The following PRKN variants were observed in gnomAD, a reference collection of about 807,000 sequenced individuals.
PRKN encodes the protein E3 ubiquitin-protein ligase parkin.
PRKN carries 56 observed loss-of-function variants against 59.5 expected under a neutral mutation model. The ratio of observed to expected loss-of-function variants is 0.94; its 90% CI spans 0.76 to 1.18. The LOEUF (loss-of-function observed/expected upper bound fraction) is 1.18. Among genes scored for constraint, PRKN ranks in the 50% most tolerant of loss-of-function variants. The probability of loss-of-function intolerance (pLI) is 0.00; values close to 1 mark genes in which losing one functional copy is unlikely to be tolerated. For missense variants in PRKN, 657 were observed against 596.4 expected, an observed-to-expected ratio of 1.10 and a Z score of -1.06; for synonymous variants, 250 against 222.1, an observed-to-expected ratio of 1.13 and a Z score of -1.12.
At chr6:162,570,327 G>T (rs948507619) in intron 1 of PRKN, among the ~76,000 whole-genome samples, 15 of 152,148 alleles carry the variant, frequency 9.9e-5, no homozygotes, top group Non-Finnish European at 1.9e-4. Context: ...CAAGGTTGTG[G>T]AGAAAAGGGA....
chr6:162,008,477 C>T (rs1316536330), intron 5 of PRKN, among the ~76,000 whole-genome samples: 1 of 152,134 alleles, frequency 6.6e-6, no homozygotes, highest in Admixed American at 6.6e-5. Context: ...GAGAAGAGAA[C>T]AGTGTATCGA....
intron 1 of PRKN, among the ~76,000 whole-genome samples, chr6:162,457,179 T>G (rs911402933): frequency 6.6e-6 from 1 of 152,148 alleles, no homozygotes; most frequent in Non-Finnish European, 1.5e-5. Context: ...GTTGGTGAAT[T>G]TGCAAATATG....
At chr6:162,187,007 T>C (rs534249336) in intron 4 of PRKN, among the ~76,000 whole-genome samples, 4 of 152,288 alleles carry the variant, frequency 2.6e-5, no homozygotes, top group African/African-American at 7.2e-5. Context: ...CACTTGATAA[T>C]GTTAAAGGCT....
chr6:162,232,657 T>A (rs887423747), intron 3 of PRKN, among the ~76,000 whole-genome samples: 1 of 152,160 alleles, frequency 6.6e-6, no homozygotes, highest in Non-Finnish European at 1.5e-5. Context: ...TTTGTGTGAT[T>A]TTTTCTTCTC....
intron 7 of PRKN, among the ~76,000 whole-genome samples, chr6:161,710,882 TCTC>T (rs199989739): frequency 0.014 from 1,696 of 119,288 alleles, 52 homozygotes; most frequent in African/African-American, 0.05. Context: ...CTTCCTTCCT[TCTC>T]TCCCTCCCTT....
Position 161,369,893 on chromosome 6 carries a change from C to A in PRKN, c.1168-9688G>T. 1 of 354,254 alleles carries A rather than the reference C, an allele frequency of 2.8e-6. No homozygotes were observed. Among genetic ancestry groups the A allele is most frequent in the Non-Finnish European group, 6.3e-6 (1 of 157,988 alleles). 21.9% of individuals were successfully genotyped at this position (354,254 alleles called of 1,614,324 possible). A position where few individuals can be genotyped will look rare whatever the true frequency, so the allele number is the denominator to read the frequency against. On this transcript the variant is annotated intron_variant, in intron 10 of 11. Transcript: ENST00000366898. The surrounding 1 kb of genome is among the most constrained non-coding windows in gnomAD (Gnocchi z 5.8). ...CTCAGAAAGGTAAAGGCATGATCGT[C>A]CATCTGTGGCTCAAGAGGAATAACC...
chr6:162,610,436 T>C (rs905260064), intron 1 of PRKN, among the ~76,000 whole-genome samples: 1 of 152,232 alleles, frequency 6.6e-6, no homozygotes, highest in Non-Finnish European at 1.5e-5. Context: ...AGGTCACTAT[T>C]CCAACATGGA....
chr6:162,631,070 A>G (rs890153198), intron 1 of PRKN, among the ~76,000 whole-genome samples: 2 of 152,278 alleles, frequency 1.3e-5, no homozygotes, highest in South Asian at 2.1e-4. Context: ...ACAACAGGTC[A>G]TAAGACCTCA....
intron 7 of PRKN, among the ~76,000 whole-genome samples, chr6:161,627,749 A>T (rs1783146393): frequency 1.3e-5 from 2 of 152,224 alleles, no homozygotes; most frequent in South Asian, 4.1e-4. Flanking sequence ...AGCCTGTTCT[A>T]TGACTGCTTC....
intron 6 of PRKN, among the ~76,000 whole-genome samples, chr6:161,792,492 C>A (rs944172434): frequency 1.2e-4 from 19 of 152,154 alleles, no homozygotes; most frequent in African/African-American, 4.6e-4. Flanking sequence ...CAGTGGAAAG[C>A]AAAGTTATTA....
At chr6:161,583,773 CA>C (rs1283371077) in intron 7 of PRKN, among the ~76,000 whole-genome samples, 1 of 152,144 alleles carries the variant, frequency 6.6e-6, no homozygotes, top group Non-Finnish European at 1.5e-5. Context: ...GGCATCATTT[CA>C]TGTCAAATGA....
intron 2 of PRKN, among the ~76,000 whole-genome samples, chr6:162,332,287 A>G (rs1783619431): frequency 6.6e-6 from 1 of 152,214 alleles, no homozygotes; most frequent in Admixed American, 6.5e-5. Context: ...GACAAGCAGC[A>G]GCTTCCCCTG....
At chr6:162,470,177 T>C (rs992812701) in intron 1 of PRKN, among the ~76,000 whole-genome samples, 1 of 152,174 alleles carries the variant, frequency 6.6e-6, no homozygotes, top group Non-Finnish European at 1.5e-5. Context: ...ACTCAGGACT[T>C]AAACGCTGCA....
chr6:162,655,652 A>C (rs1778616486), intron 1 of PRKN, among the ~76,000 whole-genome samples: 1 of 152,206 alleles, frequency 6.6e-6, no homozygotes, highest in African/African-American at 2.4e-5. Context: ...ATTCAATCAC[A>C]GAAAGGAAAG....
At chr6:162,257,322 A>G (rs778766598) in intron 3 of PRKN, among the ~76,000 whole-genome samples, 59 of 152,134 alleles carry the variant, frequency 3.9e-4, no homozygotes, top group Admixed American at 7.2e-4. Flanking sequence ...TCTCAAAAGC[A>G]AAAAATTCTG....
In PRKN at chr6:161,527,808, G is replaced by A. The variant is rs902465355; in HGVS notation, c.1083+21046C>T. On this transcript the variant is annotated intron_variant, in intron 9 of 11. Coordinates refer to ENST00000366898, the MANE Select transcript of PRKN (RefSeq NM_004562.3). This position sits in a 1 kb window ranked among gnomAD's most constrained non-coding sequence, Gnocchi z 4.6. ...CAGGGCTGGAGTCTCTTTTCTGACA[G>A]TGCCACTGAATCAGCTGTCTGAAGA... Among the ~76,000 whole-genome samples the A allele has an allele frequency of 2.6e-5, 4 of 152,064 alleles. No individual in the cohort carries two copies. The highest frequency in any genetic ancestry group is 4.4e-5 in the Non-Finnish European group (3 of 67,970).
intron 1 of PRKN, 91 bp downstream of exon 1, chr6:162,727,571 C>G: frequency 7.3e-7 from 1 of 1,365,798 alleles, no homozygotes; most frequent in Non-Finnish European, 1.0e-6. Context: ...ACAGTTGGCA[C>G]CGGGGGTCCT....
intron 1 of PRKN, among the ~76,000 whole-genome samples, chr6:162,717,715 C>A (rs566040606): frequency 1.3e-5 from 2 of 152,144 alleles, no homozygotes; most frequent in African/African-American, 4.8e-5. Context: ...TCTGGCCATG[C>A]CCCGATAGTG....
chr6:161,643,430 A>C (rs1183651186), intron 7 of PRKN, among the ~76,000 whole-genome samples: 2 of 152,198 alleles, frequency 1.3e-5, no homozygotes, highest in East Asian at 1.9e-4. Context: ...TTCTATATAC[A>C]TTGCTAGGAG....
Sources: allele counts gnomAD v4.1 joint callset (sites outside exome capture counted in the v4.1 genomes callset), GRCh38; gene constraint gnomAD v4.1.1; non-coding constraint Gnocchi (gnomAD v3.1); transcripts MANE v1.5; gene names NCBI Gene and HGNC (gene_info 2026-07-23, HGNC 2026-07-21).